CAB39L: variants seen among roughly 807,000 people sequenced by gnomAD.
CAB39L encodes the protein calcium-binding protein 39-like.
A neutral mutation model predicts 39.1 loss-of-function variants in CAB39L; 23 were observed. The observed-to-expected ratio is 0.59, with a 90% CI of 0.42 to 0.83. The LOEUF is 0.83. Ranked by LOEUF, CAB39L falls within the 40% of genes least tolerant of loss-of-function variation. The pLI, the probability that CAB39L is intolerant of heterozygous loss-of-function variation, is 0.00. For synonymous variants in CAB39L, 126 were observed against 137.2 expected, an observed-to-expected ratio of 0.92 and a Z score of 0.57; for missense variants, 366 against 391.9, an observed-to-expected ratio of 0.93 and a Z score of 0.56.
At chr13:49,338,633 C>G (rs1268465013) in intron 9 of CAB39L, among the ~76,000 whole-genome samples, 1 of 151,286 alleles carries the variant, frequency 6.6e-6, no homozygotes, top group Admixed American at 6.6e-5. Context: ...CACATGTACC[C>G]TAAAACTTAA....
At chr13:49,320,071 C>T (rs1026604143) in intron 10 of CAB39L, among the ~76,000 whole-genome samples, 3 of 151,994 alleles carry the variant, frequency 2.0e-5, no homozygotes, top group East Asian at 1.9e-4. Flanking sequence ...TGAACTCTGC[C>T]GCCTCTAAAA....
At position 49,421,432 on chromosome 13, in the gene CAB39L, G is replaced by C. The variant is rs560129391; in HGVS notation, c.-32+11886C>G. Reference sequence around the variant, plus strand: ...CTAAATGGGGAACAAGGGGAAAGTTGGGACATTCATCCCCCTTGAGCATGA... The same window carrying C: ...CTAAATGGGGAACAAGGGGAAAGTTCGGACATTCATCCCCCTTGAGCATGA... On this transcript the variant is annotated intron_variant, in intron 3 of 10. Coordinates refer to ENST00000409308, the MANE Select transcript of CAB39L (RefSeq NM_001079670.3). Among the ~76,000 whole-genome samples, 184 of 152,292 alleles carry C rather than the reference G, an allele frequency of 1.2e-3. 1 individual carries two copies. Among genetic ancestry groups the C allele is most frequent in the African/African-American group, 4.2e-3 (176 of 41,554 alleles).
intron 10 of CAB39L, among the ~76,000 whole-genome samples, chr13:49,327,557 G>A (rs1954542102): frequency 6.6e-6 from 1 of 151,698 alleles, no homozygotes; most frequent in Admixed American, 6.6e-5. Context: ...ACCCACCTCC[G>A]CCTCCCAGAG....
intron 1 of CAB39L, among the ~76,000 whole-genome samples, chr13:49,443,432 T>C (rs544599229): frequency 6.6e-6 from 1 of 152,008 alleles, no homozygotes; most frequent in South Asian, 2.1e-4. Flanking sequence ...TACCAAAGGA[T>C]GGCCTTAGTA....
At chr13:49,428,922 T>A (rs2138727112) in intron 3 of CAB39L, among the ~76,000 whole-genome samples, 1 of 152,346 alleles carries the variant, frequency 6.6e-6, no homozygotes, top group East Asian at 1.9e-4. Flanking sequence ...TTTGAATATA[T>A]ATTTCTAAAT....
At chr13:49,388,340 A>G (rs1956413884) in intron 3 of CAB39L, among the ~76,000 whole-genome samples, 2 of 152,222 alleles carry the variant, frequency 1.3e-5, no homozygotes, top group Non-Finnish European at 2.9e-5. Context: ...GAGATTCATG[A>G]TAAGACCCAA....
chr13:49,340,183 C>T (rs181697018), intron 8 of CAB39L, among the ~76,000 whole-genome samples: 1 of 152,208 alleles, frequency 6.6e-6, no homozygotes, highest in African/African-American at 2.4e-5. Flanking sequence ...AACGAGGCAA[C>T]CTTTGTTGCA....
chr13:49,338,616 C>T (rs1018027627), intron 9 of CAB39L, among the ~76,000 whole-genome samples: 1 of 151,012 alleles, frequency 6.6e-6, no homozygotes, highest in African/African-American at 2.4e-5. Flanking sequence ...CTAACCTGCA[C>T]AATGTGCACA....
At chr13:49,346,116 T>TGCTAG (rs1955161198) in intron 7 of CAB39L, among the ~76,000 whole-genome samples, 3 of 56,808 alleles carry the variant, frequency 5.3e-5, no homozygotes, top group East Asian at 3.4e-4. Context: ...TATATATATA[T>TGCTAG]ATATATATCA....
At chr13:49,375,650 G>A (rs1232809874) in intron 5 of CAB39L, among the ~76,000 whole-genome samples, 3 of 152,118 alleles carry the variant, frequency 2.0e-5, no homozygotes, top group South Asian at 4.2e-4. Context: ...CTGTTGTGGG[G>A]TCGGGGGAGC....
At chr13:49,410,583 A>C (rs918692685) in intron 3 of CAB39L, among the ~76,000 whole-genome samples, 1 of 152,242 alleles carries the variant, frequency 6.6e-6, no homozygotes, top group Non-Finnish European at 1.5e-5. Context: ...GAAAGGACAA[A>C]GAAAGAAGCA....
chr13:49,365,931 G>C (rs1380149532), intron 5 of CAB39L, among the ~76,000 whole-genome samples: 1 of 152,154 alleles, frequency 6.6e-6, no homozygotes, highest in East Asian at 1.9e-4. Flanking sequence ...TGCGGATAAA[G>C]AAAATGTGGT....
At chr13:49,346,120 T>TATATATATATATATATATATATATA (rs10663110) in intron 7 of CAB39L, among the ~76,000 whole-genome samples, 2 of 88,480 alleles carry the variant, frequency 2.3e-5, no homozygotes, top group Non-Finnish European at 4.5e-5. Flanking sequence ...TATATATATA[T>TATATATATATATATATATATATATA]ATATCATGGA....
intron 3 of CAB39L, among the ~76,000 whole-genome samples, chr13:49,399,059 T>G (rs1240931245): frequency 6.6e-6 from 1 of 152,086 alleles, no homozygotes; most frequent in East Asian, 1.9e-4. Flanking sequence ...CATCTCTTTC[T>G]CATAAGGAAA....
At chr13:49,429,603 AC>A (rs1957289683) in intron 3 of CAB39L, among the ~76,000 whole-genome samples, 4 of 152,194 alleles carry the variant, frequency 2.6e-5, no homozygotes, top group Admixed American at 2.6e-4. Flanking sequence ...ATTTTTTAGA[AC>A]CTTGCTATAT....
At chr13:49,379,005 C>T (rs1485376821) in intron 4 of CAB39L, among the ~76,000 whole-genome samples, 1 of 42,608 alleles carries the variant, frequency 2.3e-5, no homozygotes, top group Non-Finnish European at 4.7e-5. Flanking sequence ...CCAGCCGCCC[C>T]GTCCGGGAGG....
intron 10 of CAB39L, among the ~76,000 whole-genome samples, chr13:49,326,456 C>A (rs971156475): frequency 1.3e-5 from 2 of 152,174 alleles, no homozygotes; most frequent in African/African-American, 4.8e-5. Flanking sequence ...GTAGGAAGCA[C>A]GTGCTGAGCC....
chr13:49,417,987 G>C (rs1957111933), intron 3 of CAB39L, among the ~76,000 whole-genome samples: 2 of 152,146 alleles, frequency 1.3e-5, no homozygotes, highest in African/African-American at 4.8e-5. Context: ...TTTAGAAGCA[G>C]GTCAATAGTT....
intron 6 of CAB39L, among the ~76,000 whole-genome samples, chr13:49,353,573 C>T (rs1424399604): frequency 6.6e-6 from 1 of 152,094 alleles, no homozygotes; most frequent in Non-Finnish European, 1.5e-5. Context: ...CTTCTCATCT[C>T]TCAAGGCTTA....
Sources: gnomAD v4.1 joint callset for allele counts (sites outside exome capture counted in the v4.1 genomes callset) on GRCh38, gnomAD v4.1.1 for gene constraint, MANE v1.5 for transcripts, NCBI Gene and HGNC (gene_info 2026-07-23, HGNC 2026-07-21) for gene names.